The following AP1S3 variants were observed in gnomAD, a reference collection of about 807,000 sequenced individuals.
AP1S3 encodes the protein AP-1 complex subunit sigma-3.
Under a neutral mutation model 20.9 loss-of-function variants are expected in AP1S3, and 10 were observed. The observed-to-expected ratio is 0.48, with a 90% CI of 0.29 to 0.81. The LOEUF is 0.81. AP1S3 is among the 30% of genes least tolerant of loss of function. The pLI, the probability that AP1S3 is intolerant of heterozygous loss-of-function variation, is 0.08. For missense variants in AP1S3, 154 were observed against 183.8 expected (o/e 0.84, Z 0.94); for synonymous variants, 41 against 61.5 (o/e 0.67, Z 1.56).
At position 223,829,855 on chromosome 2, in the gene AP1S3, A is replaced by C. The variant is rs10207620; in HGVS notation, c.3+7593T>G. On this transcript the variant is annotated intron_variant, in intron 1 of 4. Coordinates refer to ENST00000396654, the MANE Select transcript of AP1S3 (RefSeq NM_001039569.2). Reference sequence around the variant, plus strand: ...CCATCTCAAAAAAAAACAAAAAAAAAACAAAAAAACACAGCTCCATCCATT... The same window carrying C: ...CCATCTCAAAAAAAAACAAAAAAAACACAAAAAAACACAGCTCCATCCATT... Among the ~76,000 whole-genome samples, 242 of 150,978 alleles carry C rather than the reference A, an allele frequency of 1.6e-3. 1 individual carries two copies. Among genetic ancestry groups the C allele is most frequent in the African/African-American group, 5.7e-3 (232 of 40,974 alleles).
At chr2:223,787,863 C>T (rs1400595291) in intron 1 of AP1S3, among the ~76,000 whole-genome samples, 4 of 152,192 alleles carry the variant, frequency 2.6e-5, no homozygotes, top group South Asian at 2.1e-4. Context: ...CAGCTTGCTC[C>T]GGCCCCCAGA....
At chr2:223,790,850 C>G (rs1209819076) in intron 1 of AP1S3, among the ~76,000 whole-genome samples, 1 of 151,954 alleles carries the variant, frequency 6.6e-6, no homozygotes, top group African/African-American at 2.4e-5. Context: ...CATCACTGAC[C>G]CCACAGAAAT....
intron 2 of AP1S3, 134 bp downstream of exon 2, chr2:223,777,557 T>C (rs1690815036): frequency 1.3e-6 from 1 of 743,112 alleles, no homozygotes; most frequent in Non-Finnish European, 2.1e-6. Context: ...GTTAGTCTAT[T>C]GGTACAAATA....
intron 1 of AP1S3, among the ~76,000 whole-genome samples, chr2:223,824,404 C>T (rs191829816): frequency 1.3e-5 from 2 of 152,316 alleles, no homozygotes; most frequent in African/African-American, 4.8e-5. Flanking sequence ...AATACACCTG[C>T]AATTTCAACA....
chr2:223,820,510 T>C (rs1691962029), intron 1 of AP1S3, among the ~76,000 whole-genome samples: 1 of 151,688 alleles, frequency 6.6e-6, no homozygotes. Flanking sequence ...ATACTCTAAA[T>C]CAGTAACATC....
At chr2:223,772,095 G>A (rs1690645144) in intron 3 of AP1S3, among the ~76,000 whole-genome samples, 1 of 152,216 alleles carries the variant, frequency 6.6e-6, no homozygotes, top group South Asian at 2.1e-4. Flanking sequence ...CAACAAGAGC[G>A]AGACTCCGTC....
At chr2:223,770,452 A>G in intron 3 of AP1S3, 1 of 1,398,056 alleles carries the variant, frequency 7.2e-7, no homozygotes, top group Non-Finnish European at 9.5e-7. Flanking sequence ...ACTAGTTTCA[A>G]GGGATAAGGG....
intron 1 of AP1S3, among the ~76,000 whole-genome samples, chr2:223,821,970 C>T (rs1691996917): frequency 6.6e-6 from 1 of 152,106 alleles, no homozygotes; most frequent in Admixed American, 6.6e-5. Flanking sequence ...TAGATATTGT[C>T]GGGAGGTCGC....
At chr2:223,820,741 T>G (rs1189506663) in intron 1 of AP1S3, among the ~76,000 whole-genome samples, 2 of 151,886 alleles carry the variant, frequency 1.3e-5, no homozygotes, top group African/African-American at 4.8e-5. Context: ...AAATTTCCTT[T>G]GCAAATCAAC....
chr2:223,760,660 A>C (rs780396197), intron 4 of AP1S3, among the ~76,000 whole-genome samples: 1 of 151,824 alleles, frequency 6.6e-6, no homozygotes, highest in African/African-American at 2.4e-5. Flanking sequence ...AGTTTACACC[A>C]TTTACATGGG....
chr2:223,773,453 A>C, intron 3 of AP1S3: 1 of 1,169,044 alleles, frequency 8.6e-7, no homozygotes, highest in South Asian at 1.4e-5. Flanking sequence ...TACATTTGCA[A>C]ATTTCTCCTT....
At chr2:223,802,869 T>C (rs1691499658) in intron 1 of AP1S3, among the ~76,000 whole-genome samples, 1 of 152,222 alleles carries the variant, frequency 6.6e-6, no homozygotes, top group Non-Finnish European at 1.5e-5. Context: ...AACCAACCAT[T>C]TTCTGTAGTG....
chr2:223,791,270 T>G (rs117257827), intron 1 of AP1S3, among the ~76,000 whole-genome samples: 3,566 of 152,232 alleles, frequency 0.023, 138 homozygotes, highest in East Asian at 0.19. Context: ...TGAACATCGA[T>G]GCAAAAATCC....
chr2:223,824,441 G>C (rs564387682), intron 1 of AP1S3, among the ~76,000 whole-genome samples: 1 of 152,334 alleles, frequency 6.6e-6, no homozygotes, highest in Admixed American at 6.5e-5. Context: ...GGAAGGTAAG[G>C]TAAGGTCATC....
At chr2:223,779,384 T>G (rs1252041091) in intron 1 of AP1S3, among the ~76,000 whole-genome samples, 1 of 152,010 alleles carries the variant, frequency 6.6e-6, no homozygotes, top group Non-Finnish European at 1.5e-5. Context: ...TCTCTAAATT[T>G]TTAAAGGCTC....
chr2:223,795,831 G>T (rs1326337540), intron 1 of AP1S3, among the ~76,000 whole-genome samples: 2 of 152,114 alleles, frequency 1.3e-5, no homozygotes, highest in African/African-American at 4.8e-5. Flanking sequence ...CCTCTATAGT[G>T]TAGAGTCCAG....
intron 1 of AP1S3, among the ~76,000 whole-genome samples, chr2:223,825,046 A>G (rs6731418): frequency 0.32 from 48,803 of 151,710 alleles, 8,272 homozygotes; most frequent in Middle Eastern, 0.43. Flanking sequence ...TCGGTGGCTC[A>G]CGCCTGTAAT....
chr2:223,773,199 C>A, intron 3 of AP1S3: 1 of 1,072,598 alleles, frequency 9.3e-7, no homozygotes, highest in Non-Finnish European at 1.2e-6. Context: ...AGATTGAGAT[C>A]AAAATTCAGC....
At chr2:223,772,354 C>T (rs1422193552) in intron 3 of AP1S3, among the ~76,000 whole-genome samples, 3 of 152,044 alleles carry the variant, frequency 2.0e-5, no homozygotes, top group South Asian at 2.1e-4. Context: ...CACCAGCATC[C>T]GGGGGACCCA....
Sources: gnomAD v4.1 joint callset for allele counts (sites outside exome capture counted in the v4.1 genomes callset) on GRCh38, gnomAD v4.1.1 for gene constraint, MANE v1.5 for transcripts, NCBI Gene and HGNC (gene_info 2026-07-23, HGNC 2026-07-21) for gene names.